BRCA1: variants seen among roughly 807,000 people sequenced by gnomAD.
BRCA1 encodes the protein breast cancer type 1 susceptibility protein.
In BRCA1, 140 loss-of-function variants were observed where a neutral mutation model predicts 173.7. That is an observed-to-expected ratio of 0.81 (90% CI 0.70 to 0.93). The LOEUF is 0.93. BRCA1 is among the 40% of genes least tolerant of loss of function. BRCA1 has a pLI of 0.00. For missense variants in BRCA1, 1,983 were observed against 2,172.5 expected (o/e 0.91, Z 1.73); for synonymous variants, 662 against 756.0 (o/e 0.88, Z 2.04).
At chr17:43,061,852 T>G (rs573165701) in intron 18 of BRCA1, among the ~76,000 whole-genome samples, 1 of 152,306 alleles carries the variant, frequency 6.6e-6, no homozygotes, top group East Asian at 1.9e-4. Flanking sequence ...CTCAAAGTGC[T>G]GGGATTATAG....
intron 2 of BRCA1, among the ~76,000 whole-genome samples, chr17:43,116,979 T>C (rs541824546): frequency 6.6e-6 from 1 of 152,360 alleles, no homozygotes; most frequent in South Asian, 2.1e-4. Flanking sequence ...TTATTTCCTA[T>C]AAACTAGACT....
At chr17:43,084,176 G>T (rs1204342891) in intron 11 of BRCA1, among the ~76,000 whole-genome samples, 1 of 152,146 alleles carries the variant, frequency 6.6e-6, no homozygotes, top group East Asian at 1.9e-4. Context: ...GATTACAGGC[G>T]CCCGCCACCA....
chr17:43,107,864 C>T (rs956643226), intron 3 of BRCA1, among the ~76,000 whole-genome samples: 6 of 152,098 alleles, frequency 3.9e-5, no homozygotes, highest in Admixed American at 6.6e-5. Flanking sequence ...TTCACTCATA[C>T]AACCAATATT....
At chr17:43,121,175 A>G (rs1212073046) in intron 2 of BRCA1, among the ~76,000 whole-genome samples, 3 of 151,984 alleles carry the variant, frequency 2.0e-5, no homozygotes, top group Non-Finnish European at 4.4e-5. Flanking sequence ...GGAGATCGAG[A>G]CCATCTTGGC....
chr17:43,100,604 T>C (rs1481700229), intron 6 of BRCA1, among the ~76,000 whole-genome samples: 1 of 92,234 alleles, frequency 1.1e-5, no homozygotes, highest in Non-Finnish European at 2.1e-5. Context: ...ATTATATATA[T>C]ATAACATATA....
intron 1 of BRCA1, chr17:43,166,336 G>C (rs2056268354): frequency 6.6e-6 from 1 of 152,268 alleles, no homozygotes; most frequent in South Asian, 2.1e-4. Flanking sequence ...GGGGGTGGGG[G>C]GTCTAAAACC....
rs570357989 is a variant in BRCA1, at chr17:43,051,870, C to T, written c.5278-753G>A. On this transcript the variant is annotated intron_variant, in intron 19 of 22. Transcript: ENST00000357654. ...CAGGCTGGTCTCGAACTCCTGACCT[C>T]GTGATCTGCCTGTCTTGGCCTTCCA... is the stretch of plus-strand genomic sequence containing the variant. Among the ~76,000 whole-genome samples, 4 of 152,200 alleles carry T rather than the reference C, an allele frequency of 2.6e-5. No homozygotes were observed. In the South Asian group the frequency reaches 6.2e-4, roughly 24 times the overall value.
At chr17:43,059,778 A>G (rs1213279670) in intron 18 of BRCA1, among the ~76,000 whole-genome samples, 1 of 152,184 alleles carries the variant, frequency 6.6e-6, no homozygotes, top group East Asian at 1.9e-4. Context: ...CACAAGGATA[A>G]AATCTGAATT....
chr17:43,136,899 A>G (rs2056029145), intron 1 of BRCA1, among the ~76,000 whole-genome samples: 1 of 152,174 alleles, frequency 6.6e-6, no homozygotes, highest in Admixed American at 6.5e-5. Flanking sequence ...TAGAACTAGA[A>G]ATACCATTTG....
upstream of BRCA1, chr17:43,170,267 G>A (rs1332977344): frequency 5.8e-6 from 1 of 173,204 alleles, no homozygotes; most frequent in Non-Finnish European, 1.2e-5. Context: ...GGAAACCGCT[G>A]AGCAATAGCC....
At chr17:43,077,335 C>CTTTT (rs68171917) in intron 12 of BRCA1, among the ~76,000 whole-genome samples, 1 of 145,670 alleles carries the variant, frequency 6.9e-6, no homozygotes, top group Non-Finnish European at 1.5e-5. Flanking sequence ...CATGTTAGTT[C>CTTTT]TTTTTTTTTT....
chr17:43,101,505 C>CA (rs1405943465), intron 6 of BRCA1, among the ~76,000 whole-genome samples: 1 of 150,934 alleles, frequency 6.6e-6, no homozygotes, highest in Non-Finnish European at 1.5e-5. Flanking sequence ...AGAACAATTA[C>CA]TTTTTTTTCT....
At chr17:43,079,793 A>G (rs2052919419) in intron 12 of BRCA1, 1 of 852,928 alleles carries the variant, frequency 1.2e-6, no homozygotes, top group African/African-American at 1.7e-5. Context: ...GGTGTTAAAA[A>G]AAAAAAAAAA....
Position 43,045,611 on chromosome 17 carries a change from C to T in BRCA1, c.*67G>A, listed in dbSNP as rs754327493. The T allele has an allele frequency of 4.4e-6, 7 of 1,605,302 alleles. No individual in the cohort carries two copies. The South Asian group carries it at 4.4e-5, about 10-fold the overall frequency. ...TGAAGAGTGAGAGGAGCTCCCAGGG[C>T]CTGGAAAGGCCACTTTGTAAGCTCA... On this transcript the variant is annotated 3_prime_UTR_variant, in exon 23 of 23. Transcript: ENST00000357654.
Position 43,065,055 on chromosome 17 carries a change from C to A in BRCA1, c.5075-1104G>T, listed in dbSNP as rs1004951959. 5.3e-5 allele frequency among the ~76,000 whole-genome samples: 8 copies of A among 152,158 alleles called. No individual in the cohort carries two copies. The South Asian group carries it at 1.7e-3, about 32-fold the overall frequency. ...CCGTGTTAGCCAGGATGGTCTCGAT[C>A]TCCTGACCTCGTGATCTGCCCGCCT... On this transcript the variant is annotated intron_variant, in intron 16 of 22. Coordinates refer to ENST00000357654, the MANE Select transcript of BRCA1 (RefSeq NM_007294.4).
At chr17:43,100,600 TATATATAAC>T (rs1193358914) in intron 6 of BRCA1, among the ~76,000 whole-genome samples, 4 of 98,800 alleles carry the variant, frequency 4.0e-5, no homozygotes, top group African/African-American at 1.6e-4. Flanking sequence ...ATATATTATA[TATATATAAC>T]ATATATATAA....
At position 43,053,353 on chromosome 17, in the gene BRCA1, GT is replaced by G. The variant is rs8176293; in HGVS notation, c.5278-2237del. On this transcript the variant is annotated intron_variant, in intron 19 of 22. Transcript: ENST00000357654. ...TAACACTCAGTGATGAGGATGCCTA[GT>G]TATGAGATAAGAAATTTGAAGTTTC... Among the ~76,000 whole-genome samples, 402 of 152,312 alleles carry G rather than the reference GT, an allele frequency of 2.6e-3. 9 individuals carry two copies. In the East Asian group the frequency reaches 0.055, roughly 21 times the overall value.
At chr17:43,084,171 C>T (rs550813494) in intron 11 of BRCA1, among the ~76,000 whole-genome samples, 22 of 152,312 alleles carry the variant, frequency 1.4e-4, no homozygotes, top group Admixed American at 4.6e-4. Flanking sequence ...GCTGGGATTA[C>T]AGGCGCCCGC....
chr17:43,085,177 T>C (rs1353391634), intron 11 of BRCA1, among the ~76,000 whole-genome samples: 2 of 152,130 alleles, frequency 1.3e-5, no homozygotes, highest in Non-Finnish European at 2.9e-5. Context: ...CTGTAGAAGT[T>C]CCCTAAAAGC....
Sources: gnomAD v4.1 joint callset for allele counts (sites outside exome capture counted in the v4.1 genomes callset) on GRCh38, gnomAD v4.1.1 for gene constraint, MANE v1.5 for transcripts, NCBI Gene and HGNC (gene_info 2026-07-23, HGNC 2026-07-21) for gene names.